GSTO2: variants seen among roughly 807,000 people sequenced by gnomAD.
GSTO2 encodes the protein glutathione S-transferase omega-2.
In GSTO2, 23 loss-of-function variants were observed where a neutral mutation model predicts 28.4. That is an observed-to-expected ratio of 0.81 (90% confidence interval 0.58 to 1.15). GSTO2 has a LOEUF of 1.15. Among genes scored for constraint, GSTO2 ranks in the 50% most tolerant of loss-of-function variants. The probability of loss-of-function intolerance (pLI) is 0.00; values close to 1 mark genes in which losing one functional copy is unlikely to be tolerated. For missense variants in GSTO2, 298 were observed against 297.8 expected, an observed-to-expected ratio of 1.00 and a Z score of 0.00; for synonymous variants, 109 against 111.0, an observed-to-expected ratio of 0.98 and a Z score of 0.11.
At chr10:104,269,660 CTT>C (rs2011292186) in intron 1 of GSTO2, among the ~76,000 whole-genome samples, 1 of 152,184 alleles carries the variant, frequency 6.6e-6, no homozygotes, top group Non-Finnish European at 1.5e-5. Context: ...AATGTGCTGT[CTT>C]TGTGAAAACT....
chr10:104,285,331 C>T (rs989795565), intron 5 of GSTO2, among the ~76,000 whole-genome samples: 1 of 152,128 alleles, frequency 6.6e-6, no homozygotes, highest in Non-Finnish European at 1.5e-5. Flanking sequence ...TGCAGTGGCA[C>T]AGTCATGGCT....
At chr10:104,274,603 G>A in intron 1 of GSTO2, 82 bp from the exon 2 acceptor site, 1 of 474,526 alleles carries the variant, frequency 2.1e-6, no homozygotes, top group Non-Finnish European at 3.7e-6. Context: ...TGTAGAGGAG[G>A]CCCCTCCAAA....
chr10:104,292,140 G>A (rs924364999), intron 5 of GSTO2, among the ~76,000 whole-genome samples: 1 of 151,914 alleles, frequency 6.6e-6, no homozygotes, highest in Non-Finnish European at 1.5e-5. Flanking sequence ...AAAGACAGGG[G>A]TTCTGAAAGT....
rs397787244 is a variant in GSTO2 at position 104,293,563 on chromosome 10, A to ATTTTTTTTTTTTT, written c.469-4005_469-3993dup. Reference sequence around the variant, plus strand: ...AGGCATGAGCCACTGCGCCTGGCCAATTTTTTTTTTTTTTTTTTTTTTGCG... The same window carrying ATTTTTTTTTTTTT: ...AGGCATGAGCCACTGCGCCTGGCCAATTTTTTTTTTTTTTTTTTTTTTTTTTTTTTTTTTTGCG... On this transcript the variant is annotated intron_variant, in intron 5 of 6. Transcript: ENST00000338595. Among the ~76,000 whole-genome samples, 539 of 81,582 alleles carry ATTTTTTTTTTTTT rather than the reference A, an allele frequency of 6.6e-3. 82 individuals carry two copies. The highest frequency in any genetic ancestry group is 0.015 in the African/African-American group (248 of 16,238). The allele number at this position is 81,582 out of a possible 152,430, so 53.5% of individuals were successfully genotyped here. A position where few individuals can be genotyped will look rare whatever the true frequency, so the allele number is the denominator to read the frequency against.
At chr10:104,272,653 G>T (rs1484997958) in intron 1 of GSTO2, among the ~76,000 whole-genome samples, 1 of 124,162 alleles carries the variant, frequency 8.1e-6, no homozygotes, top group South Asian at 2.6e-4. Context: ...TCGCTCTGTC[G>T]CCCAGGCTGG....
chr10:104,299,465 C>A lies in GSTO2; in HGVS notation c.*181C>A. 3.0e-6 allele frequency: 2 copies of A among 661,622 alleles called. No homozygotes were observed. The highest frequency in any genetic ancestry group is 2.4e-6 in the Non-Finnish European group (1 of 408,310). 41.0% of individuals were successfully genotyped at this position (661,622 alleles called of 1,614,324 possible). On this transcript the variant is annotated 3_prime_UTR_variant, in exon 7 of 7. Transcript: ENST00000338595. ...TGACTCCTCTAGCCTGTAGCTGCTG[C>A]TACTGCTGCTTTTTTTTCCTTTTTT...
At chr10:104,276,381 C>T (rs193267989) in intron 3 of GSTO2, among the ~76,000 whole-genome samples, 90 of 152,268 alleles carry the variant, frequency 5.9e-4, no homozygotes, top group Admixed American at 5.5e-3. Context: ...TGATGTATTT[C>T]CTTAGGTCAG....
At chr10:104,275,034 T>C in intron 2 of GSTO2, 85 bp downstream of exon 2, 2 of 1,528,570 alleles carry the variant, frequency 1.3e-6, no homozygotes, top group Non-Finnish European at 1.8e-6. Context: ...GGCCTTGGCC[T>C]GCAGACCGGC....
At chr10:104,286,204 G>T (rs888231233) in intron 5 of GSTO2, among the ~76,000 whole-genome samples, 1 of 151,742 alleles carries the variant, frequency 6.6e-6, no homozygotes, top group Non-Finnish European at 1.5e-5. Context: ...ATTTCAGAGC[G>T]TTTTTTTTAT....
intron 2 of GSTO2, 113 bp from the exon 3 acceptor site, chr10:104,275,113 T>G (rs2011564827): frequency 1.3e-6 from 2 of 1,516,296 alleles, no homozygotes; most frequent in Non-Finnish European, 1.8e-6. Flanking sequence ...CTCTGGGACT[T>G]GGGAGTTGGA....
At chr10:104,275,095 A>C (rs1192193573) in intron 2 of GSTO2, 131 bp from the exon 3 acceptor site, 1 of 1,517,186 alleles carries the variant, frequency 6.6e-7, no homozygotes, top group Non-Finnish European at 8.8e-7. Flanking sequence ...CACATGCAGC[A>C]CTGCCCTCTC....
Position 104,278,029 on chromosome 10 carries a change from G to A in GSTO2, c.279G>A (p.Leu93=). Residue 93 remains leucine (L), a synonymous_variant, in exon 4 of 7, where the codon CTG becomes CTA. Transcript: ENST00000338595. The part of the protein sequence containing the change: ...IYESVIACEY[L]DDAYPGRKLF... Reference sequence around the variant, plus strand: ...AATCTGTTATTGCTTGTGAGTACCTGGATGATGCTTATCCAGGAAGGAAGC... The same window carrying A: ...AATCTGTTATTGCTTGTGAGTACCTAGATGATGCTTATCCAGGAAGGAAGC... 6.2e-7 allele frequency: 1 copy of A among 1,614,138 alleles called. No homozygotes were observed. Among genetic ancestry groups the A allele is most frequent in the Non-Finnish European group, 8.5e-7 (1 of 1,180,002 alleles).
chr10:104,270,595 C>T lies in GSTO2; in HGVS notation c.-232+1326C>T, dbSNP rs536529437. On this transcript the variant is annotated intron_variant, in intron 1 of 6. Coordinates refer to ENST00000338595, the MANE Select transcript of GSTO2 (RefSeq NM_183239.2). The stretch of plus-strand genomic sequence containing the variant: ...AGATAGCCTCATTTGACCCTGATTT[C>T]CCAATTGGGAATATGAAATTTTTCC... 2.4e-4 allele frequency among the ~76,000 whole-genome samples: 37 copies of T among 152,204 alleles called. No individual in the cohort carries two copies. The Middle Eastern group carries it at 0.014, about 56-fold the overall frequency.
chr10:104,285,898 A>G (rs1243184376), intron 5 of GSTO2: 4 of 301,108 alleles, frequency 1.3e-5, no homozygotes, highest in South Asian at 2.6e-5. Flanking sequence ...GAAATTATTT[A>G]TATATTGTTT....
intron 5 of GSTO2, chr10:104,295,203 T>C (rs960547228): frequency 6.6e-6 from 1 of 152,258 alleles, no homozygotes; most frequent in Admixed American, 6.5e-5. Flanking sequence ...CTTTCCCCTC[T>C]AACCAAATTT....
chr10:104,288,149 C>A (rs909359512), intron 5 of GSTO2, among the ~76,000 whole-genome samples: 3 of 152,090 alleles, frequency 2.0e-5, no homozygotes, highest in African/African-American at 7.2e-5. Flanking sequence ...CTCGGCCTCC[C>A]AAAGTGCTGG....
chr10:104,299,484 C>CTT lies in GSTO2; in HGVS notation c.*210_*211dup, dbSNP rs960007905. ...CTGCTGCTACTGCTGCTTTTTTTTC[C>CTT]TTTTTTTTTTTGAGGCAAGATCTTG... On this transcript the variant is annotated 3_prime_UTR_variant, in exon 7 of 7. Coordinates refer to ENST00000338595, the MANE Select transcript of GSTO2 (RefSeq NM_183239.2). The CTT allele has an allele frequency of 3.6e-4, 168 of 473,018 alleles. No homozygotes were observed. Among genetic ancestry groups the CTT allele is most frequent in the East Asian group, 6.9e-4 (17 of 24,658 alleles). The allele number at this position is 473,018 out of a possible 1,614,324, so 29.3% of individuals were successfully genotyped here.
Position 104,299,437 on chromosome 10 carries a change from G to T in GSTO2, c.*153G>T, listed in dbSNP as rs1377240788. ...AAATGTATTCTTCTGATAATCATTT[G>T]TCTGACTCCTCTAGCCTGTAGCTGC... On this transcript the variant is annotated 3_prime_UTR_variant, in exon 7 of 7. Coordinates refer to ENST00000338595, the MANE Select transcript of GSTO2 (RefSeq NM_183239.2). 6.9e-6 allele frequency: 6 copies of T among 867,918 alleles called. No individual in the cohort carries two copies. Among genetic ancestry groups the T allele is most frequent in the African/African-American group, 5.2e-5 (3 of 57,922 alleles). 53.8% of individuals were successfully genotyped at this position (867,918 alleles called of 1,614,324 possible). A position where few individuals can be genotyped will look rare whatever the true frequency, so the allele number is the denominator to read the frequency against.
At chr10:104,296,055 A>G (rs990699390) in intron 5 of GSTO2, 5 of 152,206 alleles carry the variant, frequency 3.3e-5, no homozygotes, top group Non-Finnish European at 7.3e-5. Context: ...AATTCGTGCC[A>G]TACTTTTCTC....
Sources: gnomAD v4.1 joint callset for allele counts (sites outside exome capture counted in the v4.1 genomes callset) on GRCh38, gnomAD v4.1.1 for gene constraint, MANE v1.5 for transcripts, NCBI Gene and HGNC (gene_info 2026-07-23, HGNC 2026-07-21) for gene names.